Variants in MSI2 observed in about 807,000 individuals in gnomAD.
MSI2 encodes RNA-binding protein Musashi homolog 2.
Under a neutral mutation model 45.6 loss-of-function variants are expected in MSI2, and 17 were observed. The ratio of observed to expected loss-of-function variants is 0.37; its 90% confidence interval spans 0.26 to 0.56. MSI2 has a LOEUF of 0.56. Ranked by LOEUF, MSI2 falls within the 20% of genes least tolerant of loss-of-function variation. The probability of loss-of-function intolerance (pLI) is 0.77; values close to 1 mark genes in which losing one functional copy is unlikely to be tolerated. For synonymous variants in MSI2, 156 were observed against 158.2 expected (o/e 0.99, Z 0.11); for missense variants, 293 against 444.2 (o/e 0.66, Z 3.06).
intron 6 of MSI2, among the ~76,000 whole-genome samples, chr17:57,506,344 G>A (rs770704387): frequency 6.6e-6 from 1 of 152,232 alleles, no homozygotes; most frequent in Non-Finnish European, 1.5e-5. Flanking sequence ...AAAACCTGCG[G>A]GGTTATTATG....
chr17:57,349,385 G>A (rs1915848223), intron 5 of MSI2, among the ~76,000 whole-genome samples: 1 of 152,196 alleles, frequency 6.6e-6, no homozygotes, highest in Non-Finnish European at 1.5e-5. Context: ...GAGAACGAAT[G>A]CTCATGAGAA....
chr17:57,504,943 A>AG (rs1399664969), intron 6 of MSI2, among the ~76,000 whole-genome samples: 8 of 151,934 alleles, frequency 5.3e-5, no homozygotes, highest in African/African-American at 1.9e-4. Context: ...AAAAAAAAAA[A>AG]AAGAAGAAAA....
intron 5 of MSI2, among the ~76,000 whole-genome samples, chr17:57,347,018 A>C (rs781006798): frequency 3.3e-5 from 5 of 152,222 alleles, no homozygotes; most frequent in Non-Finnish European, 7.3e-5. Flanking sequence ...GGTTATCTTT[A>C]AGATAATGCC....
In MSI2 at chr17:57,369,194, G is replaced by A. The variant is rs570939478; in HGVS notation, c.313-32185G>A. Among the ~76,000 whole-genome samples the A allele has an allele frequency of 4.9e-4, 75 of 152,282 alleles. 1 individual carries two copies. Among genetic ancestry groups the A allele is most frequent in the South Asian group, 1.9e-3 (9 of 4,826 alleles). ...TTTCGGTTCTTTTGTTGAGAGTGAC[G>A]TCACAGTTGTCCTGCAGCAAGCCAG... On this transcript the variant is annotated intron_variant, in intron 5 of 13. Transcript: ENST00000284073.
At chr17:57,632,197 G>C (rs944408810) in intron 10 of MSI2, 3 of 1,143,182 alleles carry the variant, frequency 2.6e-6, no homozygotes, top group Admixed American at 9.5e-5. Flanking sequence ...AAACAGGCTT[G>C]TTGGGGACAT....
chr17:57,671,219 A>G (rs1912748338), intron 11 of MSI2, among the ~76,000 whole-genome samples: 1 of 152,204 alleles, frequency 6.6e-6, no homozygotes, highest in Non-Finnish European at 1.5e-5. Flanking sequence ...GCTTGTCCCA[A>G]GCCACTTAAT....
chr17:57,539,414 G>T (rs1037036869), intron 7 of MSI2, among the ~76,000 whole-genome samples: 3 of 151,484 alleles, frequency 2.0e-5, no homozygotes, highest in African/African-American at 7.3e-5. Context: ...TTTACCAGCC[G>T]GGCACAGTGG....
Position 57,280,524 on chromosome 17 carries a change from A to T in MSI2, c.312+18332A>T, listed in dbSNP as rs1037669264. On this transcript the variant is annotated intron_variant, in intron 5 of 13. Coordinates refer to ENST00000284073, the MANE Select transcript of MSI2 (RefSeq NM_138962.4). The surrounding 1 kb of genome is among the most constrained non-coding windows in gnomAD (Gnocchi z 4.2). The stretch of plus-strand genomic sequence containing the variant: ...AGGAGTAGCAAGTGTTAAAGGTGAG[A>T]GGCAAATTTGACTTCTCATTGATGT... 6.6e-6 allele frequency among the ~76,000 whole-genome samples: 1 copy of T among 152,048 alleles called. No individual in the cohort carries two copies. The highest frequency in any genetic ancestry group is 1.5e-5 in the Non-Finnish European group (1 of 68,012).
In MSI2 at chr17:57,680,124, C is replaced by T. The variant is rs1913511134; in HGVS notation, c.*607C>T. The T allele has an allele frequency of 1.8e-5, 4 of 228,208 alleles. No individual in the cohort carries two copies. The East Asian group carries it at 2.5e-4, about 14-fold the overall frequency. 14.1% of individuals were successfully genotyped at this position (228,208 alleles called of 1,614,324 possible). On this transcript the variant is annotated 3_prime_UTR_variant, in exon 14 of 14. Transcript: ENST00000284073. ...AGGGCGGGAGGTGGGCGTGAGCTTTCTATTTTGCGTTGTAGAAGAAGTGAG... is the reference window on the plus strand; with the variant it reads ...AGGGCGGGAGGTGGGCGTGAGCTTTTTATTTTGCGTTGTAGAAGAAGTGAG...
intron 5 of MSI2, among the ~76,000 whole-genome samples, chr17:57,348,911 A>C (rs1406886240): frequency 6.6e-6 from 1 of 152,136 alleles, no homozygotes; most frequent in Non-Finnish European, 1.5e-5. Flanking sequence ...GAAAGATCTG[A>C]TATTATTTAC....
intron 8 of MSI2, among the ~76,000 whole-genome samples, chr17:57,603,776 G>T (rs1380991534): frequency 6.6e-6 from 1 of 152,252 alleles, no homozygotes; most frequent in African/African-American, 2.4e-5. Flanking sequence ...ATGGCAGCTG[G>T]GTTTGGCCTG....
intron 6 of MSI2, among the ~76,000 whole-genome samples, chr17:57,401,687 A>G (rs1229924656): frequency 6.6e-6 from 1 of 152,224 alleles, no homozygotes; most frequent in Non-Finnish European, 1.5e-5. Context: ...AGGAGCAGAC[A>G]GAGTGGCCTT....
At position 57,682,249 on chromosome 17, in the gene MSI2, A is replaced by T; in HGVS notation, c.*2732A>T. The stretch of plus-strand genomic sequence containing the variant: ...GTTTAATTTTATTTTAGCTGATCTG[A>T]TGTGGTTTCAACTAACCCAAGGTCT... On this transcript the variant is annotated 3_prime_UTR_variant, in exon 14 of 14. Coordinates refer to ENST00000284073, the MANE Select transcript of MSI2 (RefSeq NM_138962.4). 5.4e-6 allele frequency: 1 copy of T among 183,836 alleles called. No homozygotes were observed. Among genetic ancestry groups the T allele is most frequent in the Non-Finnish European group, 1.1e-5 (1 of 87,794 alleles). The allele number at this position is 183,836 out of a possible 1,614,324, so 11.4% of individuals were successfully genotyped here.
intron 5 of MSI2, among the ~76,000 whole-genome samples, chr17:57,389,691 C>G (rs1227875201): frequency 6.6e-6 from 1 of 152,338 alleles, no homozygotes; most frequent in East Asian, 1.9e-4. Context: ...GCTGCCATTT[C>G]TTTTCTTACC....
At chr17:57,398,598 T>G (rs1256230637) in intron 5 of MSI2, among the ~76,000 whole-genome samples, 1 of 151,564 alleles carries the variant, frequency 6.6e-6, no homozygotes, top group African/African-American at 2.5e-5. Flanking sequence ...GTTCTGAGCT[T>G]GAAAGATGAG....
chr17:57,507,180 G>C (rs1280996901), intron 6 of MSI2, among the ~76,000 whole-genome samples: 2 of 150,278 alleles, frequency 1.3e-5, no homozygotes, highest in South Asian at 2.1e-4. Context: ...TGTGTTGGGG[G>C]GGGGGGGTGT....
chr17:57,519,507 T>C (rs1397406094), intron 6 of MSI2, among the ~76,000 whole-genome samples: 1 of 151,622 alleles, frequency 6.6e-6, no homozygotes, highest in African/African-American at 2.4e-5. Flanking sequence ...AGAGGCTTGC[T>C]CCATGACTAT....
intron 9 of MSI2, among the ~76,000 whole-genome samples, chr17:57,624,281 T>C (rs140206266): frequency 7.2e-4 from 109 of 152,286 alleles, no homozygotes; most frequent in African/African-American, 2.4e-3. Context: ...CCATTTTTCA[T>C]CTGGAAAGCC....
intron 6 of MSI2, among the ~76,000 whole-genome samples, chr17:57,514,156 A>G (rs1307389761): frequency 6.6e-6 from 1 of 152,182 alleles, no homozygotes; most frequent in Non-Finnish European, 1.5e-5. Flanking sequence ...CCCCTGTACT[A>G]TTTCAAGGGG....
Sources: gnomAD v4.1 joint callset for allele counts (sites outside exome capture counted in the v4.1 genomes callset) on GRCh38, gnomAD v4.1.1 for gene constraint, Gnocchi (gnomAD v3.1) non-coding constraint, MANE v1.5 for transcripts, NCBI Gene and HGNC (gene_info 2026-07-23, HGNC 2026-07-21) for gene names.